The following TBX4 variants were observed in gnomAD, a reference collection of about 807,000 sequenced individuals.
The protein encoded by TBX4 is T-box transcription factor TBX4.
TBX4 carries 13 observed loss-of-function variants against 54.6 expected under a neutral mutation model. That is an observed-to-expected ratio of 0.24 (90% confidence interval 0.15 to 0.38). The LOEUF is 0.38. Ranked by LOEUF, TBX4 falls within the 10% of genes least tolerant of loss-of-function variation. TBX4 has a pLI of 1.00. For missense variants in TBX4, 631 were observed against 728.5 expected, an observed-to-expected ratio of 0.87 and a Z score of 1.54; for synonymous variants, 314 against 306.7, an observed-to-expected ratio of 1.02 and a Z score of -0.25.
chr17:61,483,419 A>G lies in TBX4; in HGVS notation c.1544A>G (p.Asn515Ser), dbSNP rs768608302. ...CCCTCGCCACATCTAAATGCTGCCA[A>G]TGAGTTTCTCTACTCTCAAACCTTC... ...KPPSPHLNAA[N>S]EFLYSQTFSL... The change falls in exon 9 of 9, where the codon AAT (asparagine) becomes AGT (serine). Residue 515 changes from asparagine to serine, a missense_variant. By Grantham distance (46) the Asn-to-Ser change is conservative (BLOSUM62 1). Coordinates refer to ENST00000644296, the MANE Select transcript of TBX4 (RefSeq NM_001321120.2). This position sits in a 1 kb window ranked among gnomAD's most constrained non-coding sequence, Gnocchi z 6.6. 3 of 1,613,794 alleles carry G rather than the reference A, an allele frequency of 1.9e-6. No individual in the cohort carries two copies. The highest frequency in any genetic ancestry group is 2.5e-6 in the Non-Finnish European group (3 of 1,179,702).
chr17:61,473,785 T>C (rs901099139), intron 5 of TBX4, among the ~76,000 whole-genome samples: 7 of 152,234 alleles, frequency 4.6e-5, no homozygotes, highest in African/African-American at 1.4e-4. Context: ...ACGGATACTG[T>C]AAAGATTAAT....
Position 61,478,843 on chromosome 17 carries a change from GGC to G in TBX4, c.702+65_702+66del. ...CACCACCCTGCGTTCTCTTCCACCA[GGC>G]AGAGAGGCAGAGTGTGAAGCCAGAG... is the stretch of plus-strand genomic sequence containing the variant. On this transcript the variant is annotated intron_variant, in intron 6 of 8. Transcript: ENST00000644296. This position sits in a 1 kb window ranked among gnomAD's most constrained non-coding sequence, Gnocchi z 7.4. The G allele has an allele frequency of 1.2e-6, 2 of 1,612,192 alleles. No homozygotes were observed. Among genetic ancestry groups the G allele is most frequent in the South Asian group, 2.2e-5 (2 of 90,958 alleles).
At chr17:61,466,902 T>C (rs2060541157) in intron 4 of TBX4, among the ~76,000 whole-genome samples, 1 of 152,206 alleles carries the variant, frequency 6.6e-6, no homozygotes, top group African/African-American at 2.4e-5. Flanking sequence ...ATATCTGTAA[T>C]CCCAGCTACT....
At position 61,478,349 on chromosome 17, in the gene TBX4, T is replaced by A. The variant is rs1332384574; in HGVS notation, c.550-278T>A. 2 of 506,160 alleles carry A rather than the reference T, an allele frequency of 4.0e-6. No individual in the cohort carries two copies. Among genetic ancestry groups the A allele is most frequent in the Admixed American group, 6.5e-5 (2 of 30,798 alleles). 31.4% of individuals were successfully genotyped at this position (506,160 alleles called of 1,614,324 possible). On this transcript the variant is annotated intron_variant, in intron 5 of 8. Transcript: ENST00000644296. The surrounding 1 kb of genome is among the most constrained non-coding windows in gnomAD (Gnocchi z 7.4). ...TGACAGTGTTAAGGGCTGACTCAAG[T>A]TCTCCATTACCACAGTGAATCAACT...
rs200387033 is a variant in TBX4 at position 61,480,245 on chromosome 17, C to T, written c.947C>T (p.Pro316Leu). 24 of 1,614,126 alleles carry T rather than the reference C, an allele frequency of 1.5e-5. No individual in the cohort carries two copies. In the East Asian group the frequency reaches 4.2e-4, roughly 28 times the overall value. ...GGGGCACACTCACAGCTCGCGGAGC[C>T]GCAGGACCTGCCCCTCAGCACCTTT... ...ENGAHSQLAE[P>L]QDLPLSTFPT... Residue 316 changes from proline to leucine, a missense_variant, in exon 8 of 9, where the codon CCG becomes CTG. Physicochemically the swap from Pro to Leu is moderately conservative, Grantham distance 98. Around this residue, in one of 3 missense-constraint regions of TBX4, gnomAD observed 354 missense variants for 368.9 expected, o/e 0.96. Transcript: ENST00000644296. This position sits in a 1 kb window ranked among gnomAD's most constrained non-coding sequence, Gnocchi z 6.2.
At chr17:61,463,394 G>T (rs368448861) in intron 3 of TBX4, 1 of 152,360 alleles carries the variant, frequency 6.6e-6, no homozygotes, top group East Asian at 1.9e-4. Context: ...TCCCTGTGCC[G>T]ACGCCCACAT....
At position 61,472,605 on chromosome 17, in the gene TBX4, G is replaced by A. The variant is rs1003009314; in HGVS notation, c.549+4948G>A. 2.0e-4 allele frequency among the ~76,000 whole-genome samples: 30 copies of A among 152,144 alleles called. No homozygotes were observed. The highest frequency in any genetic ancestry group is 1.4e-3 in the Admixed American group (22 of 15,276). ...TTGCCTGTAGTGATATTCCCACACC[G>A]ATGCTTTTGATTGAATTGACCAGTC... On this transcript the variant is annotated intron_variant, in intron 5 of 8. Transcript: ENST00000644296. The surrounding 1 kb of genome is among the most constrained non-coding windows in gnomAD (Gnocchi z 4.5).
In TBX4 at chr17:61,474,264, G is replaced by A. The variant is rs1448503213; in HGVS notation, c.550-4363G>A. On this transcript the variant is annotated intron_variant, in intron 5 of 8. Transcript: ENST00000644296. This position sits in a 1 kb window ranked among gnomAD's most constrained non-coding sequence, Gnocchi z 4.6. ...CCAGATAACATGTGTTCTGTGTTCT[G>A]TAGGGCCTGCTGACCCAAGTCCCTT... is the stretch of plus-strand genomic sequence containing the variant. Among the ~76,000 whole-genome samples the A allele has an allele frequency of 6.6e-6, 1 of 152,200 alleles. No homozygotes were observed. Among genetic ancestry groups the A allele is most frequent in the Non-Finnish European group, 1.5e-5 (1 of 68,036 alleles).
chr17:61,458,765 G>A (rs1485181608), intron 3 of TBX4, among the ~76,000 whole-genome samples: 5 of 152,230 alleles, frequency 3.3e-5, no homozygotes, highest in South Asian at 2.1e-4. Flanking sequence ...AAGTGCTAGC[G>A]AATAATATTA....
In TBX4 at chr17:61,478,828, C is replaced by G; in HGVS notation, c.702+49C>G. On this transcript the variant is annotated intron_variant, in intron 6 of 8. Transcript: ENST00000644296. The surrounding 1 kb of genome is among the most constrained non-coding windows in gnomAD (Gnocchi z 7.4). The stretch of plus-strand genomic sequence containing the variant: ...CACAGCCCCACTTAACACCACCCTG[C>G]GTTCTCTTCCACCAGGCAGAGAGGC... 17 of 1,613,414 alleles carry G rather than the reference C, an allele frequency of 1.1e-5. No individual in the cohort carries two copies. The highest frequency in any genetic ancestry group is 1.4e-5 in the Non-Finnish European group (17 of 1,179,420).
rs963469825 is a variant in TBX4 at position 61,480,535 on chromosome 17, T to G, written c.1021+216T>G. On this transcript the variant is annotated intron_variant, in intron 8 of 8. Transcript: ENST00000644296. This position sits in a 1 kb window ranked among gnomAD's most constrained non-coding sequence, Gnocchi z 6.2. ...TGGTTCTCATCTCTCATGCTGCCTT[T>G]GGAACCCTCACAGACAGCTTGTAGC... Among the ~76,000 whole-genome samples, 1 of 152,190 alleles carries G rather than the reference T, an allele frequency of 6.6e-6. No individual in the cohort carries two copies. The highest frequency in any genetic ancestry group is 1.5e-5 in the Non-Finnish European group (1 of 68,040).
Position 61,480,451 on chromosome 17 carries a change from G to T in TBX4, c.1021+132G>T. The T allele has an allele frequency of 1.2e-6, 1 of 859,658 alleles. No individual in the cohort carries two copies. Among genetic ancestry groups the T allele is most frequent in the Non-Finnish European group, 1.9e-6 (1 of 533,626 alleles). 53.3% of individuals were successfully genotyped at this position (859,658 alleles called of 1,614,324 possible). Reference sequence around the variant, plus strand: ...GTGCTTGTGTGGCCTGGGAGAGTGGGCCTGAAGGGTTAGGGATCACAGCTG... The same window carrying T: ...GTGCTTGTGTGGCCTGGGAGAGTGGTCCTGAAGGGTTAGGGATCACAGCTG... On this transcript the variant is annotated intron_variant, in intron 8 of 8. Transcript: ENST00000644296. The surrounding 1 kb of genome is among the most constrained non-coding windows in gnomAD (Gnocchi z 6.2).
chr17:61,462,007 T>A lies in TBX4; in HGVS notation c.282-3812T>A, dbSNP rs1648157516. Reference sequence around the variant, plus strand: ...AGCGCCTTGAATTTGGCCACCGCTTTGGCCGGGGAGCTCCCGCGGCTCTCG... The same window carrying A: ...AGCGCCTTGAATTTGGCCACCGCTTAGGCCGGGGAGCTCCCGCGGCTCTCG... On this transcript the variant is annotated intron_variant, in intron 3 of 8. Coordinates refer to ENST00000644296, the MANE Select transcript of TBX4 (RefSeq NM_001321120.2). The surrounding 1 kb of genome is among the most constrained non-coding windows in gnomAD (Gnocchi z 4.5). Among the ~76,000 whole-genome samples the A allele has an allele frequency of 6.6e-6, 1 of 152,288 alleles. No individual in the cohort carries two copies. The highest frequency in any genetic ancestry group is 2.1e-4 in the South Asian group (1 of 4,826).
At chr17:61,470,006 G>A (rs978848832) in intron 5 of TBX4, among the ~76,000 whole-genome samples, 2 of 152,168 alleles carry the variant, frequency 1.3e-5, no homozygotes, top group African/African-American at 4.8e-5. Flanking sequence ...ACTTTTCTTG[G>A]GGATCCTCAC....
At position 61,484,945 on chromosome 17, in the gene TBX4, A is replaced by AATAAAT. The variant is rs374788278; in HGVS notation, c.*1432_*1433insAATATA. 23 of 140,604 alleles carry AATAAAT rather than the reference A, an allele frequency of 1.6e-4. No homozygotes were observed. Among genetic ancestry groups the AATAAAT allele is most frequent in the African/African-American group, 4.7e-4 (18 of 38,038 alleles). 8.7% of individuals were successfully genotyped at this position (140,604 alleles called of 1,614,324 possible). ...ATGGTTTAGATAAAACATATAAATA[A>AATAAAT]ATATATATATATATATATATATATA... On this transcript the variant is annotated 3_prime_UTR_variant, in exon 9 of 9. Coordinates refer to ENST00000644296, the MANE Select transcript of TBX4 (RefSeq NM_001321120.2). This position sits in a 1 kb window ranked among gnomAD's most constrained non-coding sequence, Gnocchi z 4.1.
At position 61,483,527 on chromosome 17, in the gene TBX4, T is replaced by C. The variant is rs748286433; in HGVS notation, c.*11T>C. 6.2e-7 allele frequency: 1 copy of C among 1,613,998 alleles called. No homozygotes were observed. Among genetic ancestry groups the C allele is most frequent in the Non-Finnish European group, 8.5e-7 (1 of 1,180,020 alleles). ...TGGACTGACGGATGACTCTCACGTC[T>C]CCTCCATAGCCCCGGGACCGTGTTG... On this transcript the variant is annotated 3_prime_UTR_variant, in exon 9 of 9. Coordinates refer to ENST00000644296, the MANE Select transcript of TBX4 (RefSeq NM_001321120.2). This position sits in a 1 kb window ranked among gnomAD's most constrained non-coding sequence, Gnocchi z 6.6.
rs1181682853 is a variant in TBX4 at position 61,483,301 on chromosome 17, A to C, written c.1426A>C (p.Asn476His). The C allele has an allele frequency of 1.9e-6, 3 of 1,612,924 alleles. No homozygotes were observed. The highest frequency in any genetic ancestry group is 3.3e-5 in the Admixed American group (2 of 59,994). The change falls in exon 9 of 9, where the codon AAT becomes CAT. Residue 476 changes from asparagine to histidine, a missense_variant. Coordinates refer to ENST00000644296, the MANE Select transcript of TBX4 (RefSeq NM_001321120.2). The surrounding 1 kb of genome is among the most constrained non-coding windows in gnomAD (Gnocchi z 6.6). The part of the protein sequence containing the change: ...PPGNAHFSVY[N>H]QLSQSQVRER... ...AGGAAATGCCCACTTTAGTGTCTAC[A>C]ATCAGCTCTCCCAGTCTCAGGTCCG... is the stretch of plus-strand genomic sequence containing the variant.
In TBX4 at chr17:61,457,407, G is replaced by T; in HGVS notation, c.187-130G>T. On this transcript the variant is annotated intron_variant, in intron 2 of 8. Transcript: ENST00000644296. The surrounding 1 kb of genome is among the most constrained non-coding windows in gnomAD (Gnocchi z 8.2). ...ATAGTTCAAAATCGTTCTGTGAAAC[G>T]AAATCTGGAGCCATGGGCTCCGGGC... 1 of 770,488 alleles carries T rather than the reference G, an allele frequency of 1.3e-6. No individual in the cohort carries two copies. The highest frequency in any genetic ancestry group is 2.2e-6 in the Non-Finnish European group (1 of 445,010). 47.7% of individuals were successfully genotyped at this position (770,488 alleles called of 1,614,324 possible). A position where few individuals can be genotyped will look rare whatever the true frequency, so the allele number is the denominator to read the frequency against.
In TBX4 at chr17:61,472,463, G is replaced by C. The variant is rs576789812; in HGVS notation, c.549+4806G>C. Among the ~76,000 whole-genome samples, 1 of 152,194 alleles carries C rather than the reference G, an allele frequency of 6.6e-6. No individual in the cohort carries two copies. Among genetic ancestry groups the C allele is most frequent in the East Asian group, 1.9e-4 (1 of 5,180 alleles). On this transcript the variant is annotated intron_variant, in intron 5 of 8. Coordinates refer to ENST00000644296, the MANE Select transcript of TBX4 (RefSeq NM_001321120.2). This position sits in a 1 kb window ranked among gnomAD's most constrained non-coding sequence, Gnocchi z 4.5. ...CTGCGAACTGCTGTTCTCATCCTTT[G>C]CTCATTTTTCTTGTAGGTTTTTGAT...
Sources: allele counts gnomAD v4.1 joint callset (sites outside exome capture counted in the v4.1 genomes callset), GRCh38; gene constraint gnomAD v4.1.1; regional missense constraint gnomAD v4.1.1; non-coding constraint Gnocchi (gnomAD v3.1); transcripts MANE v1.5; gene names NCBI Gene and HGNC (gene_info 2026-07-23, HGNC 2026-07-21).